Variants in SCN3A observed in about 807,000 individuals in gnomAD.
SCN3A encodes sodium voltage-gated channel alpha subunit 3.
SCN3A carries 60 observed loss-of-function variants against 187.6 expected under a neutral mutation model. That is an observed-to-expected ratio of 0.32 (90% CI 0.26 to 0.40). The LOEUF (loss-of-function observed/expected upper bound fraction) is 0.40, where lower values mean the gene tolerates loss of function less well. Among genes scored for constraint, SCN3A ranks in the 10% least tolerant of loss-of-function variants. The pLI, the probability that SCN3A is intolerant of heterozygous loss-of-function variation, is 1.00. For missense variants in SCN3A, 1,601 were observed against 2,428.2 expected (o/e 0.66, Z 7.16); for synonymous variants, 788 against 829.2 (o/e 0.95, Z 0.85).
At position 165,138,063 on chromosome 2, in the gene SCN3A, A is replaced by T; in HGVS notation, c.2207T>A (p.Val736Glu). 3 of 1,613,644 alleles carry T rather than the reference A, an allele frequency of 1.9e-6. No homozygotes were observed. The highest frequency in any genetic ancestry group is 2.5e-6 in the Non-Finnish European group (3 of 1,179,638). ...ATCACAGCAGTCCCAGATCAAGAAC[A>T]CATTGGCAAATCTATACCAGCATGG... ...CPPCWYRFAN[V>E]FLIWDCCDAW... Residue 736 changes from valine (V) to glutamate (E), a missense_variant, in exon 15 of 28, where the codon GTG (valine) becomes GAG (glutamate). Physicochemically the swap from Val to Glu is moderately radical, Grantham distance 121. This residue lies in a region of SCN3A where 376 missense variants were observed against 476.0 expected (regional missense o/e 0.79). Transcript: ENST00000283254.
chr2:165,114,996 G>T (rs2105714707), intron 19 of SCN3A, among the ~76,000 whole-genome samples: 1 of 152,102 alleles, frequency 6.6e-6, no homozygotes, highest in South Asian at 2.1e-4. Context: ...GACAAAAAAG[G>T]AAAATAAAGA....
At chr2:165,178,091 G>T (rs1282860836) in intron 2 of SCN3A, among the ~76,000 whole-genome samples, 3 of 151,990 alleles carry the variant, frequency 2.0e-5, no homozygotes, top group Non-Finnish European at 4.4e-5. Flanking sequence ...CAGAAGCTCT[G>T]GATCTATTAA....
intron 16 of SCN3A, 114 bp from the exon 17 acceptor site, chr2:165,130,410 A>G (rs948003141): frequency 1.9e-6 from 2 of 1,058,156 alleles, no homozygotes; most frequent in Admixed American, 2.1e-5. Flanking sequence ...AACTCAAAAT[A>G]TACTGAACTG....
intron 11 of SCN3A, among the ~76,000 whole-genome samples, chr2:165,152,598 T>G (rs1005444437): frequency 6.6e-6 from 1 of 152,228 alleles, no homozygotes; most frequent in Non-Finnish European, 1.5e-5. Context: ...AGTAATGGGA[T>G]GGCTGGGTTA....
chr2:165,185,786 A>C (rs1691191450), intron 2 of SCN3A, among the ~76,000 whole-genome samples: 1 of 152,174 alleles, frequency 6.6e-6, no homozygotes, highest in Non-Finnish European at 1.5e-5. Context: ...TGGTCAGTTC[A>C]AAAACTTGAC....
At chr2:165,120,188 C>T (rs1434811782) in intron 18 of SCN3A, among the ~76,000 whole-genome samples, 2 of 151,892 alleles carry the variant, frequency 1.3e-5, no homozygotes, top group Non-Finnish European at 2.9e-5. Flanking sequence ...GGAAGCCGCA[C>T]GCTGATCCAA....
intron 9 of SCN3A, among the ~76,000 whole-genome samples, chr2:165,158,584 T>C (rs754141115): frequency 1.5e-5 from 2 of 137,510 alleles, no homozygotes; most frequent in Non-Finnish European, 3.0e-5. Flanking sequence ...CATGAACCCC[T>C]GGAAAACACT....
At chr2:165,095,715 T>A (rs1355355459) in intron 24 of SCN3A, 67 bp from the exon 25 acceptor site, 1 of 934,818 alleles carries the variant, frequency 1.1e-6, no homozygotes, top group Non-Finnish European at 1.7e-6. Context: ...AATCAGTAAT[T>A]TATTGAGTGC....
chr2:165,152,339 A>C (rs1233634470), intron 11 of SCN3A, among the ~76,000 whole-genome samples: 1 of 152,256 alleles, frequency 6.6e-6, no homozygotes, highest in Non-Finnish European at 1.5e-5. Context: ...GACACAGATC[A>C]AGCTTGCAGA....
In SCN3A at chr2:165,119,299, A is replaced by T. The variant is rs78041165; in HGVS notation, c.3394-3724T>A. Among the ~76,000 whole-genome samples, 1,118 of 152,356 alleles carry T rather than the reference A, an allele frequency of 7.3e-3. 17 individuals are homozygous for T. Among genetic ancestry groups the T allele is most frequent in the African/African-American group, 0.026 (1,079 of 41,586 alleles). On this transcript the variant is annotated intron_variant, in intron 18 of 27. Transcript: ENST00000283254. ...AGGAAAGTACCTATGTTTTAATTGT[A>T]TGAAGTTATGAAAATATTGTATCAA...
At position 165,162,716 on chromosome 2, in the gene SCN3A, G is replaced by A. The variant is rs1286066378; in HGVS notation, c.807C>T (p.Phe269=). The A allele has an allele frequency of 1.9e-6, 3 of 1,614,136 alleles. No individual in the cohort carries two copies. The highest frequency in any genetic ancestry group is 2.5e-6 in the Non-Finnish European group (3 of 1,180,006). Residue 269 remains phenylalanine, a synonymous_variant, in exon 8 of 28, where the codon TTC becomes TTT. Transcript: ENST00000283254. The part of the protein sequence containing the change: ...SVFALIGLQL[F]MGNLRNKCLQ... ...AACATTTATTCCTCAGATTGCCCAT[G>A]AACAGCTGCAGCCCAATGAGAGCAA...
At chr2:165,129,625 C>A (rs572790946) in intron 17 of SCN3A, among the ~76,000 whole-genome samples, 3 of 152,244 alleles carry the variant, frequency 2.0e-5, no homozygotes, top group Admixed American at 1.3e-4. Context: ...TACAATTCTT[C>A]TTAGTGATAA....
At chr2:165,148,034 C>T (rs572306028) in intron 11 of SCN3A, among the ~76,000 whole-genome samples, 1 of 152,168 alleles carries the variant, frequency 6.6e-6, no homozygotes, top group East Asian at 1.9e-4. Flanking sequence ...TAAATACAAA[C>T]AAATCTAACT....
At chr2:165,114,049 A>T in intron 19 of SCN3A, 79 bp from the exon 20 acceptor site, 1 of 843,330 alleles carries the variant, frequency 1.2e-6, no homozygotes, top group Non-Finnish European at 1.8e-6. Context: ...CCCCTTCCCC[A>T]CTCCACTTCC....
chr2:165,130,663 T>A (rs1160537765), intron 16 of SCN3A, among the ~76,000 whole-genome samples: 3 of 152,004 alleles, frequency 2.0e-5, no homozygotes, highest in South Asian at 2.1e-4. Context: ...ATTAAAAGTA[T>A]AAATCATAGA....
intron 1 of SCN3A, among the ~76,000 whole-genome samples, chr2:165,187,432 T>C (rs1691314625): frequency 6.6e-6 from 1 of 152,196 alleles, no homozygotes; most frequent in Admixed American, 6.5e-5. Context: ...AATTCTAAAA[T>C]CAGTAACTGA....
chr2:165,102,405 A>C (rs970838311), intron 21 of SCN3A, among the ~76,000 whole-genome samples: 85 of 152,214 alleles, frequency 5.6e-4, no homozygotes, highest in African/African-American at 1.8e-3. Context: ...AGCCTTAGCT[A>C]TTTGGGAGGC....
At chr2:165,153,267 T>C (rs1338500116) in intron 11 of SCN3A, among the ~76,000 whole-genome samples, 2 of 152,134 alleles carry the variant, frequency 1.3e-5, no homozygotes, top group African/African-American at 4.8e-5. Flanking sequence ...TCTCAACATA[T>C]CACTCATATG....
rs1684979836 is a variant in SCN3A at position 165,089,579 on chromosome 2, A to C, written c.*571T>G. The stretch of plus-strand genomic sequence containing the variant: ...AAATTAAAGCCATCTAGAAAATGGA[A>C]GTAACTGAAACTGTAGCCATTACAA... On this transcript the variant is annotated 3_prime_UTR_variant, in exon 28 of 28. Coordinates refer to ENST00000283254, the MANE Select transcript of SCN3A (RefSeq NM_006922.4). 1 of 153,300 alleles carries C rather than the reference A, an allele frequency of 6.5e-6. No homozygotes were observed. The allele number at this position is 153,300 out of a possible 1,614,324, so 9.5% of individuals were successfully genotyped here.
Sources: gnomAD v4.1 joint callset for allele counts (sites outside exome capture counted in the v4.1 genomes callset) on GRCh38, gnomAD v4.1.1 for gene constraint, gnomAD v4.1.1 regional missense constraint, MANE v1.5 for transcripts, NCBI Gene and HGNC (gene_info 2026-07-23, HGNC 2026-07-21) for gene names.